Variants in DNAH9 observed in about 807,000 individuals in gnomAD.
DNAH9 encodes the protein DNAH9 variant protein.
In DNAH9, 345 loss-of-function variants were observed where a neutral mutation model predicts 471.6. The ratio of observed to expected loss-of-function variants is 0.73; its 90% confidence interval spans 0.67 to 0.80. The LOEUF (loss-of-function observed/expected upper bound fraction) is 0.80, where lower values mean the gene tolerates loss of function less well. Among genes scored for constraint, DNAH9 ranks in the 30% least tolerant of loss-of-function variants. The pLI is 0.00. For missense variants in DNAH9, 5,407 were observed against 5,609.2 expected, an observed-to-expected ratio of 0.96 and a Z score of 1.15; for synonymous variants, 2,093 against 2,123.6, an observed-to-expected ratio of 0.99 and a Z score of 0.40.
chr17:11,810,928 C>T (rs935763243), intron 45 of DNAH9, among the ~76,000 whole-genome samples: 7 of 152,202 alleles, frequency 4.6e-5, no homozygotes, highest in South Asian at 4.2e-4. Context: ...TGGCCTGTGA[C>T]GCTGTCTGTG....
intron 38 of DNAH9, among the ~76,000 whole-genome samples, chr17:11,777,035 C>T (rs965918964): frequency 1.3e-5 from 2 of 152,158 alleles, no homozygotes; most frequent in African/African-American, 4.8e-5. Context: ...ATTTTTTATG[C>T]CTTCTGTAAA....
chr17:11,725,155 C>CTCACCTCCTGT (rs1245499080), intron 27 of DNAH9, among the ~76,000 whole-genome samples: 7 of 152,214 alleles, frequency 4.6e-5, no homozygotes, highest in African/African-American at 1.7e-4. Context: ...TCACCTGCTG[C>CTCACCTCCTGT]TCACCTCCTG....
chr17:11,821,658 AG>A (rs1970314122), intron 45 of DNAH9, among the ~76,000 whole-genome samples: 1 of 152,200 alleles, frequency 6.6e-6, no homozygotes, highest in Non-Finnish European at 1.5e-5. Flanking sequence ...AAAGAAAAAA[AG>A]ACTGTTGAAG....
At chr17:11,638,330 C>T (rs887171276) in intron 9 of DNAH9, among the ~76,000 whole-genome samples, 1 of 152,114 alleles carries the variant, frequency 6.6e-6, no homozygotes, top group African/African-American at 2.4e-5. Context: ...GAAGCTATAT[C>T]GGTAACAAAT....
At chr17:11,882,547 C>G (rs12941277) in intron 55 of DNAH9, among the ~76,000 whole-genome samples, 60,628 of 151,906 alleles carry the variant, frequency 0.4, 13,345 homozygotes, top group Middle Eastern at 0.58. Flanking sequence ...TGAACAGATA[C>G]CTAGGGAGCA....
At chr17:11,843,863 G>GTGTGTGTGTGTATATA (rs1253794533) in intron 49 of DNAH9, among the ~76,000 whole-genome samples, 18 of 46,460 alleles carry the variant, frequency 3.9e-4, no homozygotes, top group South Asian at 6.9e-4. Flanking sequence ...GTGTGTGTGT[G>GTGTGTGTGTGTATATA]TATATATATA....
At chr17:11,708,034 G>C (rs919162471) in intron 26 of DNAH9, among the ~76,000 whole-genome samples, 33 of 150,224 alleles carry the variant, frequency 2.2e-4, no homozygotes, top group African/African-American at 8.0e-4. Context: ...GAGAGAGAGA[G>C]AGAGAGAGAG....
intron 41 of DNAH9, among the ~76,000 whole-genome samples, chr17:11,790,766 C>T (rs964594339): frequency 1.3e-5 from 2 of 152,068 alleles, no homozygotes; most frequent in East Asian, 1.9e-4. Flanking sequence ...TCAAACTAAT[C>T]GTATGTTTTT....
intron 14 of DNAH9, among the ~76,000 whole-genome samples, chr17:11,653,832 T>G (rs2150705245): frequency 6.6e-6 from 1 of 152,282 alleles, no homozygotes; most frequent in South Asian, 2.1e-4. Context: ...TGTCCCCACA[T>G]CCAGTAAATC....
intron 56 of DNAH9, chr17:11,884,427 G>C (rs996035372): frequency 3.0e-6 from 1 of 332,496 alleles, no homozygotes; most frequent in African/African-American, 2.1e-5. Context: ...TCTCAGTCTC[G>C]CGCTTGCATC....
chr17:11,894,528 T>C (rs377276454), intron 59 of DNAH9, 32 bp downstream of exon 59: 14 of 1,602,288 alleles, frequency 8.7e-6, no homozygotes, highest in South Asian at 6.6e-5. Flanking sequence ...AAAGCCAAGC[T>C]CTCATCTCTC....
At chr17:11,727,775 G>A in intron 27 of DNAH9, 43 bp from the exon 28 acceptor site, 1 of 1,373,750 alleles carries the variant, frequency 7.3e-7, no homozygotes, top group Non-Finnish European at 1.0e-6. Flanking sequence ...GTATTGATAA[G>A]CCTGGCCCGT....
chr17:11,961,596 T>C lies in DNAH9; in HGVS notation c.12844-271T>C, dbSNP rs79166829. 3.9e-4 allele frequency among the ~76,000 whole-genome samples: 59 copies of C among 152,272 alleles called. 2 individuals are homozygous for C. In the East Asian group the frequency reaches 0.011, roughly 29 times the overall value. ...TGCAATGGGAAGCAATTGTGTCTTT[T>C]GAAACACTGTGAGTAGAACAGTTGA... On this transcript the variant is annotated intron_variant, in intron 67 of 68. Transcript: ENST00000262442.
intron 51 of DNAH9, 101 bp from the exon 52 acceptor site, chr17:11,871,497 C>G (rs1972259610): frequency 9.5e-7 from 1 of 1,049,088 alleles, no homozygotes; most frequent in African/African-American, 1.6e-5. Context: ...CTGCCTCTTC[C>G]CGCTATGAAG....
At chr17:11,605,308 G>T (rs2072477424) in intron 1 of DNAH9, among the ~76,000 whole-genome samples, 1 of 152,030 alleles carries the variant, frequency 6.6e-6, no homozygotes, top group African/African-American at 2.4e-5. Flanking sequence ...TTTATTCACA[G>T]AACTTACTGT....
chr17:11,959,773 G>A (rs1975925255), intron 67 of DNAH9, among the ~76,000 whole-genome samples: 1 of 152,070 alleles, frequency 6.6e-6, no homozygotes, highest in Non-Finnish European at 1.5e-5. Flanking sequence ...ACCCTGCTCT[G>A]GTCATTCACC....
At chr17:11,775,972 AG>A (rs1180276253) in intron 38 of DNAH9, among the ~76,000 whole-genome samples, 1 of 152,084 alleles carries the variant, frequency 6.6e-6, no homozygotes, top group Admixed American at 6.5e-5. Flanking sequence ...CCAGTTGTGG[AG>A]TCTCCATTGT....
At chr17:11,731,655 T>C (rs1310401688) in intron 28 of DNAH9, among the ~76,000 whole-genome samples, 1 of 150,300 alleles carries the variant, frequency 6.7e-6, no homozygotes, top group African/African-American at 2.4e-5. Context: ...CGGTGTTTGG[T>C]TTTTTGTCCT....
chr17:11,711,930 ATATATATTTGTATATATATT>A (rs1216366598), intron 26 of DNAH9, among the ~76,000 whole-genome samples: 16 of 46,120 alleles, frequency 3.5e-4, no homozygotes, highest in Admixed American at 1.3e-3. Flanking sequence ...ATATATAAAT[ATATATATTTGTATATATATT>A]TATATATAAA....
Sources: gnomAD v4.1 joint callset for allele counts (sites outside exome capture counted in the v4.1 genomes callset) on GRCh38, gnomAD v4.1.1 for gene constraint, MANE v1.5 for transcripts, NCBI Gene and HGNC (gene_info 2026-07-23, HGNC 2026-07-21) for gene names.